PTBP3: variants seen among roughly 807,000 people sequenced by gnomAD.
The protein encoded by PTBP3 is polypyrimidine tract binding protein 3.
A neutral mutation model predicts 58.7 loss-of-function variants in PTBP3; 20 were observed. That is an observed-to-expected ratio of 0.34 (90% confidence interval 0.24 to 0.50). PTBP3 has a LOEUF of 0.50. Ranked by LOEUF, PTBP3 falls within the 20% of genes least tolerant of loss-of-function variation. The probability of loss-of-function intolerance (pLI) is 0.98; values close to 1 mark genes in which losing one functional copy is unlikely to be tolerated. For synonymous variants in PTBP3, 185 were observed against 219.8 expected, an observed-to-expected ratio of 0.84 and a Z score of 1.40; for missense variants, 509 against 637.2, an observed-to-expected ratio of 0.80 and a Z score of 2.17.
At chr9:112,359,877 CA>C in the PTBP3 span, among the ~76,000 whole-genome samples, 3 of 151,184 alleles carry the variant, frequency 2.0e-5, no homozygotes, top group Admixed American at 2.0e-4. Flanking sequence ...ACAATATACA[CA>C]TAATCTCACC....
Position 112,221,263 on chromosome 9 carries a change from A to C in PTBP3, c.*2588T>G. ...AGAGTGTATTTATGTATATACACTT[A>C]TCTACACACACACACATTCACACAC... On this transcript the variant is annotated 3_prime_UTR_variant, in exon 14 of 14. Transcript: ENST00000374257. 3 of 985,034 alleles carry C rather than the reference A, an allele frequency of 3.0e-6. No individual in the cohort carries two copies. Among genetic ancestry groups the C allele is most frequent in the Non-Finnish European group, 3.6e-6 (3 of 829,224 alleles). The allele number at this position is 985,034 out of a possible 1,614,324, so 61.0% of individuals were successfully genotyped here. A position where few individuals can be genotyped will look rare whatever the true frequency, so the allele number is the denominator to read the frequency against.
At chr9:112,319,325 C>T (rs1329831837) in intron 1 of PTBP3, among the ~76,000 whole-genome samples, 2 of 152,036 alleles carry the variant, frequency 1.3e-5, no homozygotes, top group African/African-American at 4.8e-5. Context: ...ATCACTTAAG[C>T]TCAGCAGTTC....
the PTBP3 span, among the ~76,000 whole-genome samples, chr9:112,374,204 T>C: frequency 6.6e-6 from 1 of 152,196 alleles, no homozygotes. Flanking sequence ...ACTCCCTTCT[T>C]AGCCCATTGA....
In PTBP3 at chr9:112,222,739, T is replaced by C. The variant is rs1834847540; in HGVS notation, c.*1112A>G. The C allele has an allele frequency of 5.1e-6, 5 of 972,698 alleles. No individual in the cohort carries two copies. Among genetic ancestry groups the C allele is most frequent in the Non-Finnish European group, 4.9e-6 (4 of 818,044 alleles). 60.3% of individuals were successfully genotyped at this position (972,698 alleles called of 1,614,324 possible). On this transcript the variant is annotated 3_prime_UTR_variant, in exon 14 of 14. Coordinates refer to ENST00000374257, the MANE Select transcript of PTBP3 (RefSeq NM_001163788.4). Reference sequence around the variant, plus strand: ...CAAAATGCTTACCAAGCCCACAATATAGCTTTCAAGATATTTAGATTAAAC... The same window carrying C: ...CAAAATGCTTACCAAGCCCACAATACAGCTTTCAAGATATTTAGATTAAAC...
At position 112,321,017 on chromosome 9, in the gene PTBP3, A is replaced by G. The variant is rs142508254; in HGVS notation, c.-52+12453T>C. Among the ~76,000 whole-genome samples the G allele has an allele frequency of 6.3e-3, 957 of 152,296 alleles. 26 individuals are homozygous for G. The highest frequency in any genetic ancestry group is 0.016 in the East Asian group (81 of 5,188). ...TATAACCTAAAAGGAAAAGAAATTA[A>G]ATGTATCAAAATTAAATTCTTCTAT... On this transcript the variant is annotated intron_variant, in intron 1 of 13. Coordinates refer to ENST00000374257, the MANE Select transcript of PTBP3 (RefSeq NM_001163788.4).
chr9:112,329,154 T>C (rs1173645908), intron 1 of PTBP3, among the ~76,000 whole-genome samples: 1 of 152,136 alleles, frequency 6.6e-6, no homozygotes, highest in Non-Finnish European at 1.5e-5. Context: ...CTCACACCTG[T>C]AATCCTAGCA....
At chr9:112,240,584 C>T (rs144194984) in intron 7 of PTBP3, among the ~76,000 whole-genome samples, 1 of 150,044 alleles carries the variant, frequency 6.7e-6, no homozygotes, top group African/African-American at 2.4e-5. Context: ...ACATACTATA[C>T]TTTTATTATA....
chr9:112,288,596 T>A (rs1367570268), intron 2 of PTBP3, among the ~76,000 whole-genome samples: 1 of 152,196 alleles, frequency 6.6e-6, no homozygotes, highest in Non-Finnish European at 1.5e-5. Context: ...ACAATCCTGT[T>A]GTACTTGTTC....
Position 112,221,438 on chromosome 9 carries a change from TTA to T in PTBP3, c.*2411_*2412del, listed in dbSNP as rs1369733345. On this transcript the variant is annotated 3_prime_UTR_variant, in exon 14 of 14. Transcript: ENST00000374257. ...AACTTTGCTACACTTATGCTGAATGTTATGAGAATCATGAATTAATAAATTAC... is the reference window on the plus strand; with the variant it reads ...AACTTTGCTACACTTATGCTGAATGTTGAGAATCATGAATTAATAAATTAC... 1.0e-5 allele frequency: 10 copies of T among 985,722 alleles called. No homozygotes were observed. Among genetic ancestry groups the T allele is most frequent in the Non-Finnish European group, 1.2e-5 (10 of 829,806 alleles). 61.1% of individuals were successfully genotyped at this position (985,722 alleles called of 1,614,324 possible).
At chr9:112,226,270 C>T (rs772475927) in intron 12 of PTBP3, among the ~76,000 whole-genome samples, 1 of 151,866 alleles carries the variant, frequency 6.6e-6, no homozygotes, top group Non-Finnish European at 1.5e-5. Context: ...CAAGGTTTCT[C>T]CATGCAGCCT....
chr9:112,276,439 G>T (rs180771795), intron 2 of PTBP3, among the ~76,000 whole-genome samples: 118 of 152,080 alleles, frequency 7.8e-4, no homozygotes, highest in African/African-American at 2.7e-3. Flanking sequence ...TAAAAATCTG[G>T]TATTTATCAC....
At chr9:112,342,950 C>G in the PTBP3 span, among the ~76,000 whole-genome samples, 1 of 152,140 alleles carries the variant, frequency 6.6e-6, no homozygotes, top group Admixed American at 6.5e-5. Flanking sequence ...ACTTCAGTCT[C>G]CTGAGTAGCT....
At chr9:112,365,432 C>T in the PTBP3 span, among the ~76,000 whole-genome samples, 10 of 152,286 alleles carry the variant, frequency 6.6e-5, no homozygotes, top group African/African-American at 2.4e-4. Flanking sequence ...TCCTTGCACA[C>T]ACTCTTTCGC....
chr9:112,376,468 G>A, the PTBP3 span, among the ~76,000 whole-genome samples: 5 of 151,812 alleles, frequency 3.3e-5, no homozygotes, highest in African/African-American at 1.2e-4. Context: ...TGGCCAGGAT[G>A]GTCTCCATCT....
chr9:112,320,291 A>AAAATATATATATATATATATAT (rs1411646280), intron 1 of PTBP3, among the ~76,000 whole-genome samples: 17 of 73,506 alleles, frequency 2.3e-4, no homozygotes, highest in African/African-American at 1.4e-3. Flanking sequence ...AAAAAAAAAA[A>AAAATATATATATATATATATAT]ATATATATAT....
chr9:112,272,411 C>T (rs1332579520), intron 3 of PTBP3, among the ~76,000 whole-genome samples: 3 of 152,116 alleles, frequency 2.0e-5, no homozygotes, highest in Non-Finnish European at 4.4e-5. Context: ...AGACATTAAC[C>T]GTTCTGAGTC....
At chr9:112,365,928 T>C in the PTBP3 span, among the ~76,000 whole-genome samples, 4 of 152,276 alleles carry the variant, frequency 2.6e-5, no homozygotes, top group South Asian at 2.1e-4. Flanking sequence ...TTCTGAAAAT[T>C]TGCAGCGTGA....
upstream of PTBP3, among the ~76,000 whole-genome samples, chr9:112,334,080 C>A (rs550965288): frequency 2.6e-5 from 4 of 152,016 alleles, no homozygotes; most frequent in Admixed American, 1.3e-4. Context: ...ACCCCAGAAA[C>A]GAGGTGGAAT....
At chr9:112,245,660 C>A (rs1251551316) in intron 7 of PTBP3, among the ~76,000 whole-genome samples, 2 of 152,032 alleles carry the variant, frequency 1.3e-5, no homozygotes, top group Non-Finnish European at 2.9e-5. Flanking sequence ...AACCAGGGCT[C>A]ATTGAAGAAA....
Sources: allele counts gnomAD v4.1 joint callset (sites outside exome capture counted in the v4.1 genomes callset), GRCh38; gene constraint gnomAD v4.1.1; transcripts MANE v1.5; gene names NCBI Gene and HGNC (gene_info 2026-07-23, HGNC 2026-07-21).